Variants in RASGEF1B observed in about 807,000 individuals in gnomAD.
RASGEF1B encodes the protein RasGEF domain family member 1B.
Under a neutral mutation model 65.7 loss-of-function variants are expected in RASGEF1B, and 30 were observed. The observed-to-expected ratio is 0.46, with a 90% CI of 0.34 to 0.62. The LOEUF (loss-of-function observed/expected upper bound fraction) is 0.62, where lower values mean the gene tolerates loss of function less well. Ranked by LOEUF, RASGEF1B falls within the 20% of genes least tolerant of loss-of-function variation. RASGEF1B has a pLI of 0.01. For synonymous variants in RASGEF1B, 175 were observed against 194.8 expected, an observed-to-expected ratio of 0.90 and a Z score of 0.85; for missense variants, 495 against 580.1, an observed-to-expected ratio of 0.85 and a Z score of 1.51.
At chr4:81,435,840 G>C (rs1721615471) in intron 10 of RASGEF1B, among the ~76,000 whole-genome samples, 1 of 146,678 alleles carries the variant, frequency 6.8e-6, no homozygotes, top group Non-Finnish European at 1.5e-5. Context: ...GAGTACGGTG[G>C]TGCAATCATG....
chr4:81,451,218 G>A (rs1465497803), intron 4 of RASGEF1B: 4 of 152,062 alleles, frequency 2.6e-5, no homozygotes, highest in African/African-American at 9.7e-5. Context: ...TATGAAGAAG[G>A]GACTTAATCT....
intron 10 of RASGEF1B, among the ~76,000 whole-genome samples, chr4:81,436,246 C>T (rs530836814): frequency 6.6e-6 from 1 of 152,226 alleles, no homozygotes; most frequent in East Asian, 1.9e-4. Context: ...AGAATAGTTG[C>T]TACAAACTTT....
intron 13 of RASGEF1B, among the ~76,000 whole-genome samples, chr4:81,429,345 T>G (rs1721336716): frequency 6.6e-6 from 1 of 152,134 alleles, no homozygotes; most frequent in Non-Finnish European, 1.5e-5. Flanking sequence ...AAAAACAATT[T>G]TAACGTGGAA....
intron 4 of RASGEF1B, among the ~76,000 whole-genome samples, chr4:81,449,196 G>A (rs1722159894): frequency 6.6e-6 from 1 of 152,122 alleles, no homozygotes; most frequent in South Asian, 2.1e-4. Context: ...CCTCCACTGG[G>A]CTCATAATCA....
At chr4:81,450,046 C>G (rs149975173) in intron 4 of RASGEF1B, among the ~76,000 whole-genome samples, 235 of 152,290 alleles carry the variant, frequency 1.5e-3, no homozygotes, top group Middle Eastern at 0.01. Context: ...AAAAATCCCA[C>G]CTTCCATACA....
At chr4:81,467,098 G>C (rs1722866768) in intron 1 of RASGEF1B, among the ~76,000 whole-genome samples, 1 of 150,892 alleles carries the variant, frequency 6.6e-6, no homozygotes, top group Non-Finnish European at 1.5e-5. Context: ...CACATGCTTA[G>C]TAGATTTCAC....
intron 10 of RASGEF1B, among the ~76,000 whole-genome samples, chr4:81,436,642 G>A (rs1415351590): frequency 1.3e-5 from 2 of 152,078 alleles, no homozygotes; most frequent in Non-Finnish European, 2.9e-5. Context: ...ACTAAACACC[G>A]ATCGTGGGCC....
chr4:81,462,324 C>T (rs1722676133), intron 1 of RASGEF1B, among the ~76,000 whole-genome samples: 1 of 152,080 alleles, frequency 6.6e-6, no homozygotes, highest in African/African-American at 2.4e-5. Flanking sequence ...TGCAAAATAT[C>T]AATACTTAGA....
chr4:81,471,292 C>G (rs1249853752), intron 1 of RASGEF1B: 1 of 152,470 alleles, frequency 6.6e-6, no homozygotes, highest in Non-Finnish European at 1.5e-5. Context: ...AAGAATCAAC[C>G]TAGGTATGCA....
At chr4:81,465,537 A>C (rs1212052811) in intron 1 of RASGEF1B, among the ~76,000 whole-genome samples, 1 of 152,222 alleles carries the variant, frequency 6.6e-6, no homozygotes. Flanking sequence ...AGGACCCTGA[A>C]AAAGTTCAGC....
intron 4 of RASGEF1B, among the ~76,000 whole-genome samples, chr4:81,450,729 C>T (rs538707317): frequency 4.6e-5 from 7 of 152,030 alleles, no homozygotes; most frequent in Admixed American, 2.6e-4. Context: ...AAAAATTAGC[C>T]GGACACCTGC....
chr4:81,459,792 G>A (rs1290538448), intron 1 of RASGEF1B, among the ~76,000 whole-genome samples: 1 of 152,168 alleles, frequency 6.6e-6, no homozygotes, highest in Non-Finnish European at 1.5e-5. Flanking sequence ...GTCTCTGGCT[G>A]TCATATTTAG....
chr4:81,433,311 T>TATTAGGATATAACAAATCAATA (rs1232354374), intron 12 of RASGEF1B, among the ~76,000 whole-genome samples: 1 of 152,032 alleles, frequency 6.6e-6, no homozygotes, highest in Admixed American at 6.6e-5. Context: ...ATTCCTGTAA[T>TATTAGGATATAACAAATCAATA]ATTAGGATAT....
intron 13 of RASGEF1B, among the ~76,000 whole-genome samples, chr4:81,428,974 C>A (rs1261205104): frequency 5.3e-5 from 8 of 152,354 alleles, no homozygotes; most frequent in African/African-American, 1.9e-4. Context: ...TTGGCCAACA[C>A]CTGCGATAAC....
At chr4:81,435,674 A>T (rs1194621320) in intron 10 of RASGEF1B, among the ~76,000 whole-genome samples, 2 of 144,460 alleles carry the variant, frequency 1.4e-5, no homozygotes, top group Non-Finnish European at 3.0e-5. Context: ...ACAGGGTTTC[A>T]CCGTGTTAGC....
rs768221754 is a variant in RASGEF1B at position 81,448,134 on chromosome 4, T to C, written c.589A>G (p.Arg197Gly). The C allele has an allele frequency of 1.9e-5, 30 of 1,614,168 alleles. No individual in the cohort carries two copies. The highest frequency in any genetic ancestry group is 6.7e-5 in the Admixed American group (4 of 60,020). The change falls in exon 5 of 14, where the codon AGG becomes GGG. Residue 197 changes from arginine (R) to glycine (G), a missense_variant. Physicochemically the swap from Arg to Gly is moderately radical, Grantham distance 125 (BLOSUM62 -2). Transcript: ENST00000264400. ...TCGTTGCAGACAGTAATGATATCCCTTTGTATAGACTGTGGCTTGGTCTTG... is the reference window on the plus strand; with the variant it reads ...TCGTTGCAGACAGTAATGATATCCCCTTGTATAGACTGTGGCTTGGTCTTG... ...VLKTKPQSIQ[R>G]DIITVCNDPY...
intron 2 of RASGEF1B, among the ~76,000 whole-genome samples, chr4:81,458,178 G>A (rs1722516330): frequency 6.6e-6 from 1 of 152,136 alleles, no homozygotes; most frequent in Non-Finnish European, 1.5e-5. Flanking sequence ...TTTGTTTAAA[G>A]GCAAAGCAAT....
intron 2 of RASGEF1B, among the ~76,000 whole-genome samples, chr4:81,458,659 A>G (rs1722534122): frequency 6.6e-6 from 1 of 152,208 alleles, no homozygotes; most frequent in South Asian, 2.1e-4. Flanking sequence ...GAAGGGGGAA[A>G]AAGTCACTTG....
intron 1 of RASGEF1B, 37 bp downstream of exon 1, chr4:81,471,733 C>T (rs1294127002): frequency 6.6e-6 from 1 of 152,654 alleles, no homozygotes; most frequent in Non-Finnish European, 1.5e-5. Flanking sequence ...CTGTGGTCCC[C>T]CAGCCGGGAG....
Sources: allele counts gnomAD v4.1 joint callset (sites outside exome capture counted in the v4.1 genomes callset), GRCh38; gene constraint gnomAD v4.1.1; transcripts MANE v1.5; gene names NCBI Gene and HGNC (gene_info 2026-07-23, HGNC 2026-07-21).